The following BRINP1 variants were observed in gnomAD, a reference collection of about 807,000 sequenced individuals.
The protein encoded by BRINP1 is BMP/retinoic acid-inducible neural-specific protein 1.
A neutral mutation model predicts 72.9 loss-of-function variants in BRINP1; 17 were observed. The observed-to-expected ratio is 0.23, with a 90% CI of 0.16 to 0.35. BRINP1 has a LOEUF of 0.35. BRINP1 is among the 10% of genes least tolerant of loss of function. The pLI, the probability that BRINP1 is intolerant of heterozygous loss-of-function variation, is 1.00. For missense variants in BRINP1, 850 were observed against 1,001.6 expected (o/e 0.85, Z 2.04); for synonymous variants, 418 against 378.5 (o/e 1.10, Z -1.21).
chr9:119,292,883 C>G (rs989131682), intron 2 of BRINP1, among the ~76,000 whole-genome samples: 1 of 152,140 alleles, frequency 6.6e-6, no homozygotes, highest in Non-Finnish European at 1.5e-5. Flanking sequence ...AGGTCAAGAA[C>G]CACAGGAATG....
intron 7 of BRINP1, among the ~76,000 whole-genome samples, chr9:119,176,272 G>A (rs529579146): frequency 2.0e-5 from 3 of 152,156 alleles, no homozygotes; most frequent in Non-Finnish European, 2.9e-5. Context: ...TAAGGCTGTC[G>A]TGCTGTGGAG....
chr9:119,249,853 AGGGAGGGAGGGAGGGAG>A (rs1174744333), intron 2 of BRINP1, among the ~76,000 whole-genome samples: 22 of 49,928 alleles, frequency 4.4e-4, no homozygotes, highest in African/African-American at 1.4e-3. Flanking sequence ...GAAGGAAGGA[AGGGAGGGAGGGAGGGAG>A]GGAGGGAAGG....
intron 7 of BRINP1, among the ~76,000 whole-genome samples, chr9:119,183,020 T>C (rs1281361877): frequency 6.6e-6 from 1 of 152,194 alleles, no homozygotes; most frequent in Non-Finnish European, 1.5e-5. Flanking sequence ...AGGTAAGCAC[T>C]AAGTCATCAA....
At chr9:119,266,813 T>C (rs1830552804) in intron 2 of BRINP1, among the ~76,000 whole-genome samples, 1 of 152,254 alleles carries the variant, frequency 6.6e-6, no homozygotes, top group Admixed American at 6.5e-5. Context: ...ATCCATGTTG[T>C]TGCAAATGAA....
At chr9:119,244,391 T>A (rs552544913) in intron 3 of BRINP1, among the ~76,000 whole-genome samples, 82 of 152,338 alleles carry the variant, frequency 5.4e-4, no homozygotes, top group African/African-American at 1.8e-3. Flanking sequence ...AAGGACTCCA[T>A]CCAATTCACC....
Position 119,368,015 on chromosome 9 carries a change from T to C in BRINP1, c.-51+1041A>G, listed in dbSNP as rs945037862. Among the ~76,000 whole-genome samples, 1 of 152,180 alleles carries C rather than the reference T, an allele frequency of 6.6e-6. No homozygotes were observed. Among genetic ancestry groups the C allele is most frequent in the African/African-American group, 2.4e-5 (1 of 41,440 alleles). Reference sequence around the variant, plus strand: ...TAGGAAAGTGCCCCATCCATCTCCTTCCATATCATCCACAGCCGCCCCAGA... The same window carrying C: ...TAGGAAAGTGCCCCATCCATCTCCTCCCATATCATCCACAGCCGCCCCAGA... On this transcript the variant is annotated intron_variant, in intron 1 of 7. Coordinates refer to ENST00000265922, the MANE Select transcript of BRINP1 (RefSeq NM_014618.3). This position sits in a 1 kb window ranked among gnomAD's most constrained non-coding sequence, Gnocchi z 4.7.
chr9:119,350,323 A>G (rs1185046299), intron 1 of BRINP1, among the ~76,000 whole-genome samples: 5 of 152,180 alleles, frequency 3.3e-5, no homozygotes, highest in Non-Finnish European at 5.9e-5. Context: ...CAGGGCCTAG[A>G]TGTACTTACT....
intron 7 of BRINP1, among the ~76,000 whole-genome samples, chr9:119,171,489 C>T (rs887376081): frequency 0.022 from 3,241 of 145,392 alleles, 63 homozygotes; most frequent in Middle Eastern, 0.056. Flanking sequence ...AAGCAAGTCC[C>T]GAGTGACTTA....
chr9:119,322,553 G>A (rs1228157515), intron 1 of BRINP1, among the ~76,000 whole-genome samples: 3 of 152,168 alleles, frequency 2.0e-5, no homozygotes, highest in Non-Finnish European at 4.4e-5. Context: ...GGAGCTTTCT[G>A]CATGGATTGC....
chr9:119,183,079 T>C (rs1829575694), intron 7 of BRINP1, among the ~76,000 whole-genome samples: 1 of 152,134 alleles, frequency 6.6e-6, no homozygotes, highest in South Asian at 2.1e-4. Flanking sequence ...GGAACAAAAC[T>C]TGCATCAACA....
intron 5 of BRINP1, among the ~76,000 whole-genome samples, chr9:119,228,034 C>T (rs188904786): frequency 6.3e-4 from 96 of 152,040 alleles, no homozygotes; most frequent in East Asian, 4.5e-3. Context: ...TAGTCATCTT[C>T]GCTCCATCTG....
At chr9:119,283,037 A>G in intron 2 of BRINP1, 2 of 985,462 alleles carry the variant, frequency 2.0e-6, no homozygotes, top group Non-Finnish European at 2.4e-6. Context: ...AATTGATGAC[A>G]GGACTTGACC....
intron 7 of BRINP1, among the ~76,000 whole-genome samples, chr9:119,203,555 T>C (rs1829825115): frequency 6.6e-6 from 1 of 152,186 alleles, no homozygotes; most frequent in African/African-American, 2.4e-5. Context: ...GGTTAAGGCA[T>C]TTAATCCTGA....
chr9:119,334,604 G>A (rs1421733876), intron 1 of BRINP1, among the ~76,000 whole-genome samples: 1 of 152,162 alleles, frequency 6.6e-6, no homozygotes, highest in African/African-American at 2.4e-5. Flanking sequence ...CTACTATAGA[G>A]GCAAGACTTG....
At chr9:119,277,341 G>T (rs1446567633) in intron 2 of BRINP1, among the ~76,000 whole-genome samples, 1 of 152,114 alleles carries the variant, frequency 6.6e-6, no homozygotes, top group African/African-American at 2.4e-5. Context: ...ACAACTCCAG[G>T]CATTGGTTGG....
At chr9:119,242,302 C>T in intron 3 of BRINP1, 86 bp from the exon 4 acceptor site, 1 of 1,094,152 alleles carries the variant, frequency 9.1e-7, no homozygotes, top group Non-Finnish European at 1.3e-6. Context: ...TGAAAACAGC[C>T]TTAAATCTCC....
At chr9:119,272,802 GCT>G (rs1830621495) in intron 2 of BRINP1, among the ~76,000 whole-genome samples, 1 of 152,162 alleles carries the variant, frequency 6.6e-6, no homozygotes, top group Non-Finnish European at 1.5e-5. Flanking sequence ...TCCCGTACTA[GCT>G]CTCTCTGTTA....
chr9:119,291,730 C>G (rs1005981174), intron 2 of BRINP1, among the ~76,000 whole-genome samples: 1 of 152,130 alleles, frequency 6.6e-6, no homozygotes, highest in Non-Finnish European at 1.5e-5. Context: ...GCAGATGAGA[C>G]GTCTGAGGAT....
chr9:119,301,392 C>T (rs555314122), intron 2 of BRINP1, among the ~76,000 whole-genome samples: 2 of 152,306 alleles, frequency 1.3e-5, no homozygotes, highest in East Asian at 1.9e-4. Flanking sequence ...TCACCAAATA[C>T]TGAGTCTTCT....
Sources: gnomAD v4.1 joint callset for allele counts (sites outside exome capture counted in the v4.1 genomes callset) on GRCh38, gnomAD v4.1.1 for gene constraint, Gnocchi (gnomAD v3.1) non-coding constraint, MANE v1.5 for transcripts, NCBI Gene and HGNC (gene_info 2026-07-23, HGNC 2026-07-21) for gene names.